ATRN: variants seen among roughly 807,000 people sequenced by gnomAD.
ATRN encodes the protein attractin.
A neutral mutation model predicts 178.7 loss-of-function variants in ATRN; 54 were observed. That is an observed-to-expected ratio of 0.30 (90% CI 0.24 to 0.38). The LOEUF (loss-of-function observed/expected upper bound fraction) is 0.38. Among genes scored for constraint, ATRN ranks in the 10% least tolerant of loss-of-function variants. ATRN has a pLI of 1.00. For missense variants in ATRN, 1,443 were observed against 1,815.1 expected, an observed-to-expected ratio of 0.79 and a Z score of 3.73; for synonymous variants, 636 against 663.0, an observed-to-expected ratio of 0.96 and a Z score of 0.63.
rs1432678443 is a variant in ATRN, at chr20:3,548,157, T to C, written c.943+668T>C. On this transcript the variant is annotated intron_variant, in intron 5 of 28. Transcript: ENST00000262919. The stretch of plus-strand genomic sequence containing the variant: ...AAGAATGGAGTCTGTTTCTTCAATT[T>C]GTTTAAGTTTTTTGATTTACCAGAA... Among the ~76,000 whole-genome samples, 17 of 152,338 alleles carry C rather than the reference T, an allele frequency of 1.1e-4. No homozygotes were observed. In the East Asian group the frequency reaches 3.3e-3, roughly 29 times the overall value.
chr20:3,535,421 A>G (rs527396074), intron 2 of ATRN, 85 bp downstream of exon 2: 38 of 619,558 alleles, frequency 6.1e-5, no homozygotes, highest in Non-Finnish European at 9.2e-5. Context: ...AAAATTAACA[A>G]TCTGTAGCAT....
At chr20:3,607,976 G>A (rs1311978642) in intron 24 of ATRN, among the ~76,000 whole-genome samples, 1 of 152,116 alleles carries the variant, frequency 6.6e-6, no homozygotes, top group Non-Finnish European at 1.5e-5. Context: ...TACTGATGTT[G>A]AGATTTTTTT....
chr20:3,582,984 T>G (rs528145684), intron 16 of ATRN, among the ~76,000 whole-genome samples: 11 of 152,174 alleles, frequency 7.2e-5, no homozygotes, highest in Middle Eastern at 3.4e-3. Context: ...AAAATAAGCC[T>G]CCTCCTCCTG....
At chr20:3,616,435 A>AC (rs2086847713) in intron 24 of ATRN, among the ~76,000 whole-genome samples, 1 of 150,512 alleles carries the variant, frequency 6.6e-6, no homozygotes, top group Admixed American at 6.7e-5. Flanking sequence ...GCCCTGTGTC[A>AC]CCTGAGTCCA....
At chr20:3,573,577 T>C (rs2086159380) in intron 12 of ATRN, among the ~76,000 whole-genome samples, 1 of 152,050 alleles carries the variant, frequency 6.6e-6, no homozygotes, top group Non-Finnish European at 1.5e-5. Flanking sequence ...ACAACAGTGA[T>C]ATCAAGACAG....
intron 1 of ATRN, among the ~76,000 whole-genome samples, chr20:3,519,268 G>A (rs781324821): frequency 2.6e-5 from 4 of 152,130 alleles, no homozygotes; most frequent in East Asian, 1.9e-4. Context: ...ATCTGAGAAC[G>A]GAGAAGATTC....
chr20:3,519,697 G>A (rs535408231), intron 1 of ATRN, among the ~76,000 whole-genome samples: 1 of 152,146 alleles, frequency 6.6e-6, no homozygotes, highest in African/African-American at 2.4e-5. Flanking sequence ...GAACCCATCT[G>A]TGTAACCAGA....
intron 1 of ATRN, among the ~76,000 whole-genome samples, chr20:3,526,297 T>C (rs535423503): frequency 1.2e-3 from 184 of 151,700 alleles, no homozygotes; most frequent in Non-Finnish European, 2.3e-3. Flanking sequence ...TACATAATAA[T>C]AGACAAACTC....
chr20:3,523,998 A>G (rs919061430), intron 1 of ATRN, among the ~76,000 whole-genome samples: 4 of 152,232 alleles, frequency 2.6e-5, no homozygotes, highest in African/African-American at 9.6e-5. Context: ...CTATGAAGAA[A>G]CTGCATCAAC....
chr20:3,478,674 T>TA (rs1385395846), intron 1 of ATRN, among the ~76,000 whole-genome samples: 1 of 152,176 alleles, frequency 6.6e-6, no homozygotes, highest in Non-Finnish European at 1.5e-5. Context: ...TCCCAGAACT[T>TA]AAAGTGTAAT....
At chr20:3,486,263 G>T (rs960858839) in intron 1 of ATRN, among the ~76,000 whole-genome samples, 3 of 151,312 alleles carry the variant, frequency 2.0e-5, no homozygotes, top group African/African-American at 7.4e-5. Flanking sequence ...CTCATAGCCA[G>T]TCTTTTTCAC....
chr20:3,637,715 G>A (rs1251246843), intron 26 of ATRN, among the ~76,000 whole-genome samples: 3 of 152,130 alleles, frequency 2.0e-5, no homozygotes, highest in East Asian at 1.9e-4. Flanking sequence ...TGATCCCAGT[G>A]ACAACCTTAT....
intron 1 of ATRN, among the ~76,000 whole-genome samples, chr20:3,514,767 G>A (rs139350257): frequency 3.9e-5 from 6 of 151,958 alleles, no homozygotes; most frequent in East Asian, 3.9e-4. Context: ...TGAGACCACC[G>A]TGGGCAACAT....
intron 24 of ATRN, among the ~76,000 whole-genome samples, chr20:3,613,254 G>A (rs2146303362): frequency 6.6e-6 from 1 of 152,276 alleles, no homozygotes; most frequent in Middle Eastern, 3.4e-3. Flanking sequence ...TTGCAAACGT[G>A]TCTTTTTGCT....
chr20:3,638,677 C>T lies in ATRN; in HGVS notation c.3943-151C>T, dbSNP rs1337577756. On this transcript the variant is annotated intron_variant, in intron 26 of 28. Transcript: ENST00000262919. This position sits in a 1 kb window ranked among gnomAD's most constrained non-coding sequence, Gnocchi z 4.5. ...CACATCCAACAAAATTTAGTAATCC[C>T]TAATGTTATCTAATATCAAGTCTAA... The T allele has an allele frequency of 4.7e-6, 3 of 637,896 alleles. No individual in the cohort carries two copies. The highest frequency in any genetic ancestry group is 8.0e-6 in the Non-Finnish European group (3 of 373,928). 39.5% of individuals were successfully genotyped at this position (637,896 alleles called of 1,614,324 possible).
At chr20:3,501,101 A>G (rs1470866228) in intron 1 of ATRN, among the ~76,000 whole-genome samples, 3 of 152,188 alleles carry the variant, frequency 2.0e-5, no homozygotes, top group Admixed American at 6.5e-5. Context: ...TAGTAATCGT[A>G]TAACTGGTAT....
Position 3,563,224 on chromosome 20 carries a change from C to G in ATRN, c.1647C>G (p.Asp549Glu), listed in dbSNP as rs2085979028. 6.2e-7 allele frequency: 1 copy of G among 1,612,756 alleles called. No individual in the cohort carries two copies. The highest frequency in any genetic ancestry group is 1.7e-5 in the Admixed American group (1 of 59,898). Residue 549 changes from aspartate to glutamate, a missense_variant, in exon 10 of 29, where the codon GAC becomes GAG. Physicochemically the swap from Asp to Glu is conservative, Grantham distance 45. This residue lies in a region of ATRN where 862 missense variants were observed against 972.1 expected (regional missense o/e 0.89). Transcript: ENST00000262919. ...VDTQMWTILK[D>E]SRFFRYLHTA... is the part of the protein sequence containing the mutation. ...AACTCAAAAGGACCATTCTTAAGGA[C>G]AGCCGATTTTTCCGTTACTTGCACA... is the stretch of plus-strand genomic sequence containing the variant.
At chr20:3,474,688 C>G (rs1478602755) in intron 1 of ATRN, among the ~76,000 whole-genome samples, 2 of 149,716 alleles carry the variant, frequency 1.3e-5, no homozygotes, top group African/African-American at 2.5e-5. Context: ...GCCTGGGTGA[C>G]AGAGCGAGAG....
chr20:3,620,848 G>T (rs1310974949), intron 24 of ATRN, among the ~76,000 whole-genome samples: 1 of 152,204 alleles, frequency 6.6e-6, no homozygotes, highest in Non-Finnish European at 1.5e-5. Context: ...CAGGATGTCT[G>T]TCTTTACACA....
Sources: allele counts gnomAD v4.1 joint callset (sites outside exome capture counted in the v4.1 genomes callset), GRCh38; gene constraint gnomAD v4.1.1; regional missense constraint gnomAD v4.1.1; non-coding constraint Gnocchi (gnomAD v3.1); transcripts MANE v1.5; gene names NCBI Gene and HGNC (gene_info 2026-07-23, HGNC 2026-07-21).